The following MX2 variants were observed in gnomAD, a reference collection of about 807,000 sequenced individuals.
MX2 encodes the protein MX dynamin like GTPase 2, also known as interferon-induced GTP-binding protein Mx2.
In MX2, 51 loss-of-function variants were observed where a neutral mutation model predicts 74.0. That is an observed-to-expected ratio of 0.69 (90% confidence interval 0.55 to 0.87). The LOEUF is 0.87. Ranked by LOEUF, MX2 falls within the 40% of genes least tolerant of loss-of-function variation. The pLI, the probability that MX2 is intolerant of heterozygous loss-of-function variation, is 0.00. For missense variants in MX2, 832 were observed against 908.7 expected, an observed-to-expected ratio of 0.92 and a Z score of 1.09; for synonymous variants, 369 against 339.3, an observed-to-expected ratio of 1.09 and a Z score of -0.96.
Position 41,376,822 on chromosome 21 carries a change from T to A in MX2, c.-71-14T>A. ...GGTGACCTGTGGGCCGCTCTCCCTC[T>A]TGTGTCTTTGCAGAGCTTGTCAGGA... On this transcript the variant is annotated splice_polypyrimidine_tract_variant and intron_variant, in intron 1 of 13. Coordinates refer to ENST00000330714, the MANE Select transcript of MX2 (RefSeq NM_002463.2). 6.4e-7 allele frequency: 1 copy of A among 1,569,302 alleles called. No homozygotes were observed. Among genetic ancestry groups the A allele is most frequent in the Non-Finnish European group, 8.6e-7 (1 of 1,157,362 alleles).
rs2089510365 is a variant in MX2 at position 41,382,524 on chromosome 21, G to T, written c.692G>T (p.Arg231Met). The change falls in exon 5 of 14, where the codon AGG (arginine) becomes ATG (methionine). Residue 231 changes from arginine to methionine, a missense_variant. Arg to Met is a moderately conservative substitution (Grantham distance 91). Transcript: ENST00000330714. ...LTIIDLPGIT[R>M]VAVDNQPRDI... ...ATCATTGACCTTCCCGGCATCACCAGGGTGGCTGTGGACAACCAGCCCCGA... is the reference window on the plus strand; with the variant it reads ...ATCATTGACCTTCCCGGCATCACCATGGTGGCTGTGGACAACCAGCCCCGA... The T allele has an allele frequency of 6.2e-7, 1 of 1,614,084 alleles. No homozygotes were observed. Among genetic ancestry groups the T allele is most frequent in the Admixed American group, 1.7e-5 (1 of 60,006 alleles).
intron 1 of MX2, chr21:41,364,422 G>T: frequency 6.6e-6 from 1 of 152,582 alleles, no homozygotes. Flanking sequence ...GGACCCTGGT[G>T]GAAGATGGAC....
Position 41,377,787 on chromosome 21 carries a change from AG to A in MX2, c.252del, listed in dbSNP as rs760817095. 3 of 1,606,986 alleles carry A rather than the reference AG, an allele frequency of 1.9e-6. No individual in the cohort carries two copies. In the Admixed American group the frequency reaches 5.0e-5, roughly 27 times the overall value. ...CAGTGGCATCTGTTCTGCCTTCTCC[AG>A]GGGCCCGAGAACAACCTGTACAGCC... On this transcript the variant is annotated splice_acceptor_variant, in intron 2 of 13. Coordinates refer to ENST00000330714, the MANE Select transcript of MX2 (RefSeq NM_002463.2). LOFTEE classifies it high-confidence loss of function.
At chr21:41,389,213 TG>T (rs1191810645) in intron 5 of MX2, among the ~76,000 whole-genome samples, 1 of 151,088 alleles carries the variant, frequency 6.6e-6, no homozygotes, top group Non-Finnish European at 1.5e-5. Flanking sequence ...AAAAAAAACT[TG>T]TTCAGAAAGG....
chr21:41,384,807 C>G (rs1420552035), intron 5 of MX2, among the ~76,000 whole-genome samples: 1 of 150,648 alleles, frequency 6.6e-6, no homozygotes, highest in African/African-American at 2.5e-5. Flanking sequence ...CCACTGGACT[C>G]CAGCCTGGGC....
intron 13 of MX2, 83 bp downstream of exon 13, chr21:41,407,081 C>A (rs1163155903): frequency 4.8e-6 from 7 of 1,459,474 alleles, no homozygotes; most frequent in Non-Finnish European, 6.5e-6. Flanking sequence ...AGAGGCTTTG[C>A]TGAGGGAAGG....
chr21:41,385,307 A>AC (rs1406356822), intron 5 of MX2, among the ~76,000 whole-genome samples: 4 of 152,190 alleles, frequency 2.6e-5, no homozygotes, highest in Admixed American at 1.3e-4. Flanking sequence ...CTGTGTCCCC[A>AC]CCCAAATCTC....
At chr21:41,395,963 A>C (rs1361371368) in intron 7 of MX2, among the ~76,000 whole-genome samples, 178 bp downstream of exon 7, 1 of 152,212 alleles carries the variant, frequency 6.6e-6, no homozygotes. Context: ...TGTTTCTTAG[A>C]TTCCAATGAT....
Position 41,388,818 on chromosome 21 carries a change from A to G in MX2, c.733-1747A>G, listed in dbSNP as rs2089616418. 6.6e-6 allele frequency among the ~76,000 whole-genome samples: 1 copy of G among 152,192 alleles called. No homozygotes were observed. The highest frequency in any genetic ancestry group is 1.5e-5 in the Non-Finnish European group (1 of 68,028). Reference sequence around the variant, plus strand: ...CCCAGCCCAGAGCTTTTGTACCCCCAGGGGACACTGGCAATGTCAGGACAT... The same window carrying G: ...CCCAGCCCAGAGCTTTTGTACCCCCGGGGGACACTGGCAATGTCAGGACAT... On this transcript the variant is annotated intron_variant, in intron 5 of 13. Transcript: ENST00000330714. This position sits in a 1 kb window ranked among gnomAD's most constrained non-coding sequence, Gnocchi z 4.0.
chr21:41,392,586 G>A (rs1051159920), intron 6 of MX2, among the ~76,000 whole-genome samples: 13 of 152,148 alleles, frequency 8.5e-5, no homozygotes, highest in African/African-American at 2.4e-4. Flanking sequence ...GGAGATGGAC[G>A]GTGGTGATGG....
intron 4 of MX2, 129 bp from the exon 5 acceptor site, chr21:41,382,280 GT>G (rs1412334492): frequency 3.2e-5 from 39 of 1,207,366 alleles, no homozygotes; most frequent in Non-Finnish European, 4.3e-5. Context: ...TCTCTGAAAT[GT>G]TTTCTAAACA....
Position 41,399,279 on chromosome 21 carries a change from C to T in MX2, c.1356C>T (p.Asn452=). 1.2e-6 allele frequency: 2 copies of T among 1,613,968 alleles called. No homozygotes were observed. Among genetic ancestry groups the T allele is most frequent in the Non-Finnish European group, 1.7e-6 (2 of 1,179,842 alleles). ...GGGAGAATGAGACCCGTTTATACAACAAAATCAGAGAGGATTTTAAAAACT... is the reference window on the plus strand; with the variant it reads ...GGGAGAATGAGACCCGTTTATACAATAAAATCAGAGAGGATTTTAAAAACT... ...VVRENETRLY[N]KIREDFKNWV... is the part of the protein sequence containing the mutation. Residue 452 remains asparagine (N), a synonymous_variant, in exon 10 of 14, where the codon AAC becomes AAT. Transcript: ENST00000330714.
chr21:41,382,753 A>G (rs1290893622), intron 5 of MX2, among the ~76,000 whole-genome samples, 189 bp downstream of exon 5: 2 of 152,198 alleles, frequency 1.3e-5, no homozygotes, highest in Non-Finnish European at 2.9e-5. Flanking sequence ...CAGAAAAAAG[A>G]GAGTTGGACT....
intron 5 of MX2, among the ~76,000 whole-genome samples, chr21:41,384,015 G>GTGTT (rs1432403213): frequency 1.3e-5 from 2 of 152,132 alleles, no homozygotes; most frequent in Admixed American, 1.3e-4. Context: ...GATCATGGGG[G>GTGTT]TGTTTTCTCC....
In MX2 at chr21:41,402,088, G is replaced by T. The variant is rs1489460236; in HGVS notation, c.1533G>T (p.Gln511His). 1 of 1,614,178 alleles carries T rather than the reference G, an allele frequency of 6.2e-7. No homozygotes were observed. The highest frequency in any genetic ancestry group is 8.5e-7 in the Non-Finnish European group (1 of 1,180,030). Residue 511 changes from glutamine (Q) to histidine (H), a missense_variant, in exon 11 of 14, where the codon CAG (glutamine) becomes CAT (histidine). Gln to His is a conservative substitution (Grantham distance 24). Coordinates refer to ENST00000330714, the MANE Select transcript of MX2 (RefSeq NM_002463.2). This position sits in a 1 kb window ranked among gnomAD's most constrained non-coding sequence, Gnocchi z 4.5. Reference sequence around the variant, plus strand: ...TCATCGTGCATCAGTACATCCAGCAGCTGGTGGAGCCCGCCCTTAGCATGC... The same window carrying T: ...TCATCGTGCATCAGTACATCCAGCATCTGGTGGAGCCCGCCCTTAGCATGC... ...FEIIVHQYIQ[Q>H]LVEPALSMLQ...
At chr21:41,379,676 T>C (rs2089461289) in intron 3 of MX2, among the ~76,000 whole-genome samples, 1 of 152,110 alleles carries the variant, frequency 6.6e-6, no homozygotes, top group South Asian at 2.1e-4. Flanking sequence ...AGCCTGGACA[T>C]GTACCGGAGC....
chr21:41,370,327 T>C (rs1221369161), intron 1 of MX2: 6 of 152,160 alleles, frequency 3.9e-5, no homozygotes, highest in African/African-American at 1.4e-4. Context: ...AATCCTGAGA[T>C]TGTATCGCTA....
At chr21:41,397,501 G>A in intron 7 of MX2, 112 bp from the exon 8 acceptor site, 2 of 884,376 alleles carry the variant, frequency 2.3e-6, no homozygotes, top group Non-Finnish European at 3.6e-6. Context: ...TGGCTTTTCT[G>A]ATGGCACGTG....
rs375381603 is a variant in MX2, at chr21:41,376,944, G to T, written c.38G>T (p.Arg13Ile). ...CACAAGCCTTGGCCCTACCGGAGGA[G>T]AAGTCAATTTTCTTCTCGAAAATAC... ...KAHKPWPYRR[R>I]SQFSSRKYLK... is the part of the protein sequence containing the mutation. The change falls in exon 2 of 14, where the codon AGA becomes ATA. Residue 13 changes from arginine (R) to isoleucine (I), a missense_variant. By Grantham distance (97) the Arg-to-Ile change is moderately conservative. Coordinates refer to ENST00000330714, the MANE Select transcript of MX2 (RefSeq NM_002463.2). 3 of 1,614,058 alleles carry T rather than the reference G, an allele frequency of 1.9e-6. No individual in the cohort carries two copies. The highest frequency in any genetic ancestry group is 2.5e-6 in the Non-Finnish European group (3 of 1,180,048).
Sources: allele counts gnomAD v4.1 joint callset (sites outside exome capture counted in the v4.1 genomes callset), GRCh38; gene constraint gnomAD v4.1.1; non-coding constraint Gnocchi (gnomAD v3.1); transcripts MANE v1.5; gene names NCBI Gene and HGNC (gene_info 2026-07-23, HGNC 2026-07-21).